The following ZNF578 variants were observed in gnomAD, a reference collection of about 807,000 sequenced individuals.
ZNF578 encodes the protein zinc finger protein 578, also known as Putative chemokine-related protein B42.
A neutral mutation model predicts 8.3 loss-of-function variants in ZNF578; 8 were observed. The observed-to-expected ratio is 0.96, with a 90% CI of 0.56 to 1.74. ZNF578 has a LOEUF of 1.74. Ranked by LOEUF, ZNF578 falls within the 40% of genes most tolerant of loss-of-function variation. ZNF578 has a pLI of 0.00. For synonymous variants in ZNF578, 206 were observed against 232.2 expected (o/e 0.89, Z 1.03); for missense variants, 726 against 707.5 (o/e 1.03, Z -0.30).
chr19:52,511,670 A>G lies in ZNF578; in HGVS notation c.1289A>G (p.Asn430Ser). The G allele has an allele frequency of 1.2e-6, 2 of 1,614,066 alleles. No homozygotes were observed. The highest frequency in any genetic ancestry group is 1.7e-6 in the Non-Finnish European group (2 of 1,179,970). Residue 430 changes from asparagine (N) to serine (S), a missense_variant, in exon 6 of 6, where the codon AAT becomes AGT. Transcript: ENST00000421239. ...ACTGGAGAGAAACCTTACAAGTGTA[A>G]TGACTGTGGTAAGGCTTTTATTCAT... ...LHTGEKPYKCNDCGKAFIHQS... is the reference protein window; with the variant it reads ...LHTGEKPYKCSDCGKAFIHQS...
At chr19:52,482,650 A>T (rs147744284) in intron 2 of ZNF578, among the ~76,000 whole-genome samples, 98 of 151,934 alleles carry the variant, frequency 6.5e-4, no homozygotes, top group African/African-American at 2.1e-3. Context: ...AAAAAATTTT[A>T]AAAAAGGAAC....
At chr19:52,499,538 T>A (rs2059398929) in intron 3 of ZNF578, among the ~76,000 whole-genome samples, 1 of 152,210 alleles carries the variant, frequency 6.6e-6, no homozygotes, top group Non-Finnish European at 1.5e-5. Flanking sequence ...TGAGAGTGAA[T>A]GTGTACTTCC....
intron 5 of ZNF578, among the ~76,000 whole-genome samples, chr19:52,506,721 A>G (rs1007599896): frequency 1.6e-4 from 25 of 152,196 alleles, no homozygotes; most frequent in African/African-American, 5.3e-4. Context: ...CCACCTGCCC[A>G]TTATGCCTGG....
At chr19:52,488,775 C>T (rs565778995) in intron 2 of ZNF578, among the ~76,000 whole-genome samples, 3 of 149,828 alleles carry the variant, frequency 2.0e-5, no homozygotes, top group African/African-American at 4.9e-5. Flanking sequence ...CAGATTTAGA[C>T]GCCGTCTGAA....
intron 2 of ZNF578, among the ~76,000 whole-genome samples, chr19:52,483,055 G>A (rs1047519259): frequency 6.6e-6 from 1 of 151,952 alleles, no homozygotes; most frequent in Non-Finnish European, 1.5e-5. Flanking sequence ...GAGTGATAGA[G>A]TGTGACTTGG....
intron 2 of ZNF578, among the ~76,000 whole-genome samples, chr19:52,459,100 C>T (rs1265486989): frequency 3.9e-5 from 6 of 152,230 alleles, no homozygotes; most frequent in African/African-American, 7.2e-5. Context: ...TTGGGTTTTC[C>T]GGTCCATGAT....
intron 2 of ZNF578, among the ~76,000 whole-genome samples, chr19:52,475,448 C>G (rs1207639374): frequency 6.6e-6 from 1 of 151,756 alleles, no homozygotes; most frequent in South Asian, 2.1e-4. Context: ...CCTCCACCTC[C>G]TGGGTTCAAG....
At chr19:52,486,933 A>C (rs2059347871) in intron 2 of ZNF578, among the ~76,000 whole-genome samples, 1 of 151,988 alleles carries the variant, frequency 6.6e-6, no homozygotes, top group South Asian at 2.1e-4. Flanking sequence ...GGAGAGGGGC[A>C]CAAAATGAAG....
Position 52,513,337 on chromosome 19 carries a change from C to CTTTTT in ZNF578, c.*1203_*1207dup, listed in dbSNP as rs11318311. The stretch of plus-strand genomic sequence containing the variant: ...GCGCCTGGCATTGTTTCTTCTTTTC[C>CTTTTT]TTTTTTTTTTTTTTTTTTTTTTTTG... On this transcript the variant is annotated 3_prime_UTR_variant, in exon 6 of 6. Coordinates refer to ENST00000421239, the MANE Select transcript of ZNF578 (RefSeq NM_001099694.2). Among the ~76,000 whole-genome samples the CTTTTT allele has an allele frequency of 7.9e-5, 8 of 101,352 alleles. No individual in the cohort carries two copies. The highest frequency in any genetic ancestry group is 2.4e-4 in the African/African-American group (7 of 29,746). 66.5% of individuals were successfully genotyped at this position (101,352 alleles called of 152,430 possible).
chr19:52,504,489 A>C (rs188219997), intron 4 of ZNF578, among the ~76,000 whole-genome samples, 166 bp from the exon 5 acceptor site: 11 of 152,324 alleles, frequency 7.2e-5, no homozygotes, highest in Middle Eastern at 6.8e-3. Flanking sequence ...GGAAAAGTAC[A>C]ATAAAATGCA....
At chr19:52,491,671 C>T (rs765039153) in intron 3 of ZNF578, among the ~76,000 whole-genome samples, 5 of 151,512 alleles carry the variant, frequency 3.3e-5, no homozygotes, top group African/African-American at 9.7e-5. Context: ...GCCACGATCT[C>T]GCAACTGCAC....
At chr19:52,491,980 G>T (rs915946707) in intron 3 of ZNF578, among the ~76,000 whole-genome samples, 3 of 151,572 alleles carry the variant, frequency 2.0e-5, no homozygotes, top group Non-Finnish European at 4.4e-5. Context: ...CTAACACGGT[G>T]AAACCCCATC....
intron 3 of ZNF578, among the ~76,000 whole-genome samples, chr19:52,496,626 G>C (rs2059387795): frequency 6.8e-6 from 1 of 147,084 alleles, no homozygotes; most frequent in Non-Finnish European, 1.5e-5. Flanking sequence ...ACCGCGCTCA[G>C]CCTCATTAGT....
Position 52,499,689 on chromosome 19 carries a change from G to GTTTTTTTTTT in ZNF578, c.-19-2134_-19-2125dup, listed in dbSNP as rs66824085. Among the ~76,000 whole-genome samples the GTTTTTTTTTT allele has an allele frequency of 1.0e-3, 143 of 141,542 alleles. 5 individuals are homozygous for GTTTTTTTTTT. The highest frequency in any genetic ancestry group is 1.3e-3 in the Non-Finnish European group (84 of 65,470). The allele number at this position is 141,542 out of a possible 152,430, so 92.9% of individuals were successfully genotyped here. A position where few individuals can be genotyped will look rare whatever the true frequency, so the allele number is the denominator to read the frequency against. ...TGAGAAGATACATCACTTCCAAATC[G>GTTTTTTTTTT]TTTTTTTTTTTTTGAGATGAATTTT... On this transcript the variant is annotated intron_variant, in intron 3 of 5. Coordinates refer to ENST00000421239, the MANE Select transcript of ZNF578 (RefSeq NM_001099694.2).
chr19:52,475,966 CA>C (rs1243079079), intron 2 of ZNF578, among the ~76,000 whole-genome samples: 2 of 152,116 alleles, frequency 1.3e-5, no homozygotes, highest in Non-Finnish European at 2.9e-5. Flanking sequence ...GCCCTTCCTA[CA>C]AAATGCTGAC....
At chr19:52,486,724 T>C (rs1476481490) in intron 2 of ZNF578, among the ~76,000 whole-genome samples, 3 of 149,606 alleles carry the variant, frequency 2.0e-5, no homozygotes, top group Non-Finnish European at 3.0e-5. Context: ...GACACGGGAG[T>C]GTATCAGGGA....
chr19:52,466,041 G>C (rs2122781507), intron 2 of ZNF578, among the ~76,000 whole-genome samples: 1 of 152,330 alleles, frequency 6.6e-6, no homozygotes, highest in South Asian at 2.1e-4. Context: ...CCAGATTCAA[G>C]GTAGGAGCCT....
intron 2 of ZNF578, chr19:52,457,579 G>GGA (rs1368228875): frequency 7.0e-6 from 1 of 143,310 alleles, no homozygotes; most frequent in Non-Finnish European, 1.5e-5. Context: ...AGGCAATCTT[G>GGA]GAGACTGAGC....
At chr19:52,488,528 G>GA (rs573678734) in intron 2 of ZNF578, among the ~76,000 whole-genome samples, 4,773 of 151,884 alleles carry the variant, frequency 0.031, 113 homozygotes, top group Non-Finnish European at 0.048. Flanking sequence ...AGAATGGCGT[G>GA]AACCCGGTAG....
Sources: allele counts gnomAD v4.1 joint callset (sites outside exome capture counted in the v4.1 genomes callset), GRCh38; gene constraint gnomAD v4.1.1; transcripts MANE v1.5; gene names NCBI Gene and HGNC (gene_info 2026-07-23, HGNC 2026-07-21).